PHACTR3: variants seen among roughly 807,000 people sequenced by gnomAD.
PHACTR3 encodes the protein phosphatase and actin regulator 3, also known as protein phosphatase 1, regulatory subunit 123.
A neutral mutation model predicts 66.8 loss-of-function variants in PHACTR3; 16 were observed. That is an observed-to-expected ratio of 0.24 (90% CI 0.16 to 0.36). The LOEUF (loss-of-function observed/expected upper bound fraction) is 0.36. Ranked by LOEUF, PHACTR3 falls within the 10% of genes least tolerant of loss-of-function variation. The probability of loss-of-function intolerance (pLI) is 1.00; values close to 1 mark genes in which losing one functional copy is unlikely to be tolerated. For synonymous variants in PHACTR3, 323 were observed against 292.1 expected, an observed-to-expected ratio of 1.11 and a Z score of -1.08; for missense variants, 647 against 719.9, an observed-to-expected ratio of 0.90 and a Z score of 1.16.
At chr20:59,591,286 G>C (rs2033176270) in intron 1 of PHACTR3, among the ~76,000 whole-genome samples, 1 of 152,196 alleles carries the variant, frequency 6.6e-6, no homozygotes. Context: ...AGCCATCAGA[G>C]TCCCTCCCAC....
chr20:59,634,862 T>A (rs2034793080), intron 1 of PHACTR3, among the ~76,000 whole-genome samples: 1 of 152,198 alleles, frequency 6.6e-6, no homozygotes, highest in African/African-American at 2.4e-5. Flanking sequence ...ATGGAATTTT[T>A]AAATTTTACT....
At chr20:59,623,489 C>T (rs80056355) in intron 1 of PHACTR3, among the ~76,000 whole-genome samples, 5 of 152,326 alleles carry the variant, frequency 3.3e-5, no homozygotes, top group East Asian at 1.9e-4. Context: ...TCTCGTCCCA[C>T]GACAGCTGCT....
chr20:59,720,803 A>G (rs536349517), intron 1 of PHACTR3, among the ~76,000 whole-genome samples: 2 of 152,296 alleles, frequency 1.3e-5, no homozygotes, highest in East Asian at 1.9e-4. Context: ...TTTTTAATTT[A>G]TCTTCAGTCA....
At chr20:59,616,410 G>A (rs2034027197) in intron 1 of PHACTR3, among the ~76,000 whole-genome samples, 1 of 152,200 alleles carries the variant, frequency 6.6e-6, no homozygotes, top group Admixed American at 6.5e-5. Flanking sequence ...AGGAGGGAGG[G>A]CTTTCCTGGT....
upstream of PHACTR3, chr20:59,603,703 G>T (rs2033550936): frequency 6.6e-6 from 1 of 152,316 alleles, no homozygotes; most frequent in African/African-American, 2.4e-5. Context: ...TGAAATGGGG[G>T]TGTCCTCCCC....
rs898928725 is a variant in PHACTR3 at position 59,691,124 on chromosome 20, A to G, written c.119-51983A>G. Among the ~76,000 whole-genome samples, 6 of 152,224 alleles carry G rather than the reference A, an allele frequency of 3.9e-5. No homozygotes were observed. In the East Asian group the frequency reaches 1.2e-3, roughly 29 times the overall value. On this transcript the variant is annotated intron_variant, in intron 1 of 12. Transcript: ENST00000371015. ...CTTTGTTCAGGAGGTTGGAGGAACT[A>G]GTTGAGGCTGGGTAAGTGCAGGATC...
chr20:59,660,577 T>C (rs2035776731), intron 1 of PHACTR3, among the ~76,000 whole-genome samples: 2 of 152,254 alleles, frequency 1.3e-5, no homozygotes, highest in African/African-American at 4.8e-5. Flanking sequence ...CAGAATTTCA[T>C]TAAAGTATCA....
chr20:59,584,912 C>G (rs1389571684), intron 1 of PHACTR3, among the ~76,000 whole-genome samples: 1 of 152,150 alleles, frequency 6.6e-6, no homozygotes, highest in Non-Finnish European at 1.5e-5. Flanking sequence ...TTGCCCAGCC[C>G]CCACCCCCTC....
rs566902304 is a variant in PHACTR3, at chr20:59,830,244, G to A, written c.1329-6261G>A. ...GGGCGTGAGTGTCTGATGGAAGAGG[G>A]TATGAGTGTCTGATAGAAGAGGGTA... is the stretch of plus-strand genomic sequence containing the variant. On this transcript the variant is annotated intron_variant, in intron 8 of 12. Transcript: ENST00000371015. The surrounding 1 kb of genome is among the most constrained non-coding windows in gnomAD (Gnocchi z 5.8). Among the ~76,000 whole-genome samples, 1 of 152,050 alleles carries A rather than the reference G, an allele frequency of 6.6e-6. No homozygotes were observed. Among genetic ancestry groups the A allele is most frequent in the East Asian group, 1.9e-4 (1 of 5,188 alleles).
At chr20:59,753,746 G>T (rs908120380) in intron 3 of PHACTR3, among the ~76,000 whole-genome samples, 1 of 152,188 alleles carries the variant, frequency 6.6e-6, no homozygotes. Context: ...TGCTATTTGG[G>T]CACAAAACAC....
At chr20:59,605,855 A>AGGGGGGGGGGGGGGGG (rs2033647544) in intron 1 of PHACTR3, among the ~76,000 whole-genome samples, 1 of 8,834 alleles carries the variant, frequency 1.1e-4, no homozygotes, top group Non-Finnish European at 1.9e-4. Context: ...GCGGGGGGGG[A>AGGGGGGGGGGGGGGGG]GGTGGGGGGG....
intron 7 of PHACTR3, among the ~76,000 whole-genome samples, chr20:59,780,012 C>A (rs573899421): frequency 6.6e-6 from 1 of 152,322 alleles, no homozygotes; most frequent in East Asian, 1.9e-4. Flanking sequence ...AGAGTCATGA[C>A]CACACCTGTC....
chr20:59,734,791 G>A (rs980463998), intron 1 of PHACTR3, among the ~76,000 whole-genome samples: 7 of 152,144 alleles, frequency 4.6e-5, no homozygotes, highest in African/African-American at 1.7e-4. Context: ...ACCATGTACT[G>A]CCATGCATTT....
chr20:59,721,073 C>G (rs903115615), intron 1 of PHACTR3: 2 of 152,226 alleles, frequency 1.3e-5, no homozygotes, highest in Admixed American at 1.3e-4. Flanking sequence ...CAACCCTTTC[C>G]TATGCATTAG....
intron 1 of PHACTR3, among the ~76,000 whole-genome samples, chr20:59,728,111 C>T (rs2038630302): frequency 6.6e-6 from 1 of 152,202 alleles, no homozygotes; most frequent in African/African-American, 2.4e-5. Flanking sequence ...GCATCTGCCA[C>T]ATGTGTCTAG....
chr20:59,744,959 A>G (rs1373988098), intron 2 of PHACTR3, among the ~76,000 whole-genome samples: 1 of 152,136 alleles, frequency 6.6e-6, no homozygotes, highest in Non-Finnish European at 1.5e-5. Flanking sequence ...GGCGGGTTCC[A>G]TTTGTTCCCC....
At chr20:59,669,845 T>C (rs1045430548) in intron 1 of PHACTR3, among the ~76,000 whole-genome samples, 4 of 152,266 alleles carry the variant, frequency 2.6e-5, no homozygotes, top group Non-Finnish European at 4.4e-5. Context: ...ACTGTCTGGA[T>C]ACATCACACT....
rs2014823631 is a variant in PHACTR3 at position 59,847,292 on chromosome 20, C to T, written c.*162C>T. The T allele has an allele frequency of 2.0e-6, 1 of 502,066 alleles. No homozygotes were observed. 31.1% of individuals were successfully genotyped at this position (502,066 alleles called of 1,614,324 possible). A position where few individuals can be genotyped will look rare whatever the true frequency, so the allele number is the denominator to read the frequency against. On this transcript the variant is annotated 3_prime_UTR_variant, in exon 13 of 13. Coordinates refer to ENST00000371015, the MANE Select transcript of PHACTR3 (RefSeq NM_080672.5). ...GTGCAATCTTGACCACACTTACCTG[C>T]AAGAGGAGTAACCAGAGGACACACT...
chr20:59,722,469 G>A (rs889781287), intron 1 of PHACTR3, among the ~76,000 whole-genome samples: 1 of 152,164 alleles, frequency 6.6e-6, no homozygotes, highest in Non-Finnish European at 1.5e-5. Context: ...CAGCGTGGCT[G>A]GAATGGAGGG....
Sources: allele counts gnomAD v4.1 joint callset (sites outside exome capture counted in the v4.1 genomes callset), GRCh38; gene constraint gnomAD v4.1.1; non-coding constraint Gnocchi (gnomAD v3.1); transcripts MANE v1.5; gene names NCBI Gene and HGNC (gene_info 2026-07-23, HGNC 2026-07-21).